The following CSMD1 variants were observed in gnomAD, a reference collection of about 807,000 sequenced individuals.
CSMD1 encodes CUB and sushi domain-containing protein 1.
CSMD1 carries 213 observed loss-of-function variants against 417.5 expected under a neutral mutation model. The observed-to-expected ratio is 0.51, with a 90% CI of 0.46 to 0.57. CSMD1 has a LOEUF of 0.57. CSMD1 is among the 20% of genes least tolerant of loss of function. The probability of loss-of-function intolerance (pLI) is 0.00; values close to 1 mark genes in which losing one functional copy is unlikely to be tolerated. For synonymous variants in CSMD1, 2,862 were observed against 1,736.8 expected (o/e 1.65, Z -16.11); for missense variants, 6,923 against 4,529.7 (o/e 1.53, Z -15.17).
At chr8:3,387,468 G>A (rs1420390507) in intron 18 of CSMD1, 26 bp downstream of exon 18, 4 of 1,565,932 alleles carry the variant, frequency 2.6e-6, no homozygotes, top group East Asian at 2.3e-5. Context: ...CCCTGCTGGT[G>A]CATTGCCTCA....
chr8:3,139,083 A>G (rs1316206358), intron 41 of CSMD1, among the ~76,000 whole-genome samples: 13 of 152,134 alleles, frequency 8.5e-5, no homozygotes, highest in Admixed American at 8.5e-4. Context: ...CTGGAGGATA[A>G]GCTGGGAAGC....
chr8:4,143,670 T>A (rs1803934833), intron 3 of CSMD1, among the ~76,000 whole-genome samples: 1 of 151,024 alleles, frequency 6.6e-6, no homozygotes, highest in African/African-American at 2.5e-5. Flanking sequence ...CTCCAGGTTC[T>A]TGGCATTTAG....
chr8:3,367,402 T>A (rs1288476779), intron 19 of CSMD1, among the ~76,000 whole-genome samples, 155 bp from the exon 20 acceptor site: 2 of 145,766 alleles, frequency 1.4e-5, no homozygotes, highest in Non-Finnish European at 3.0e-5. Flanking sequence ...TTGCAGAGAG[T>A]AATAGCCACA....
intron 39 of CSMD1, among the ~76,000 whole-genome samples, chr8:3,153,695 G>C (rs1819338272): frequency 6.6e-6 from 1 of 152,184 alleles, no homozygotes; most frequent in African/African-American, 2.4e-5. Context: ...AGCCCTGCAG[G>C]AGGGGCTGGC....
chr8:4,226,840 G>A (rs922277332), intron 3 of CSMD1, among the ~76,000 whole-genome samples: 2 of 152,320 alleles, frequency 1.3e-5, no homozygotes, highest in African/African-American at 2.4e-5. Flanking sequence ...AAATGCAAAT[G>A]CATGTAGTCT....
intron 12 of CSMD1, among the ~76,000 whole-genome samples, chr8:3,436,588 C>T (rs756511589): frequency 4.6e-5 from 7 of 152,060 alleles, no homozygotes; most frequent in Non-Finnish European, 8.8e-5. Flanking sequence ...ATAAATCTTA[C>T]GTATGTTTTA....
intron 2 of CSMD1, among the ~76,000 whole-genome samples, chr8:4,451,646 G>T (rs535141744): frequency 2.2e-4 from 34 of 152,192 alleles, no homozygotes; most frequent in Middle Eastern, 3.4e-3. Flanking sequence ...GTAATGTTAG[G>T]ATACATTCCT....
chr8:4,398,642 C>G (rs571268810), intron 3 of CSMD1, among the ~76,000 whole-genome samples: 8 of 152,090 alleles, frequency 5.3e-5, no homozygotes, highest in Non-Finnish European at 1.0e-4. Context: ...TGATCTGCCC[C>G]TCTTGGCCTC....
intron 1 of CSMD1, among the ~76,000 whole-genome samples, chr8:4,834,365 A>C (rs1046867234): frequency 1.3e-5 from 2 of 152,204 alleles, no homozygotes; most frequent in African/African-American, 4.8e-5. Flanking sequence ...CTGTAGGAAG[A>C]TATACGTTAG....
At chr8:4,488,866 G>A (rs965324285) in intron 2 of CSMD1, among the ~76,000 whole-genome samples, 6 of 152,096 alleles carry the variant, frequency 3.9e-5, no homozygotes, top group South Asian at 2.1e-4. Flanking sequence ...ATGATAAAAC[G>A]ACAGAAATCC....
chr8:3,390,155 G>C (rs1195071449), intron 17 of CSMD1, among the ~76,000 whole-genome samples: 2 of 151,930 alleles, frequency 1.3e-5, no homozygotes, highest in Non-Finnish European at 2.9e-5. Flanking sequence ...AGGAGTTTGA[G>C]ACCAGCCTGG....
chr8:4,038,063 A>G (rs2130615961), intron 3 of CSMD1, among the ~76,000 whole-genome samples: 1 of 152,280 alleles, frequency 6.6e-6, no homozygotes, highest in East Asian at 1.9e-4. Flanking sequence ...ATTAATTCAA[A>G]AAGTTTGGAA....
chr8:4,292,639 T>C (rs771223262), intron 3 of CSMD1, among the ~76,000 whole-genome samples: 6 of 152,198 alleles, frequency 3.9e-5, no homozygotes, highest in Non-Finnish European at 8.8e-5. Flanking sequence ...TGTGCCTCAG[T>C]CTTGCATCAT....
At chr8:4,739,548 T>A (rs149612099) in intron 1 of CSMD1, among the ~76,000 whole-genome samples, 39 of 152,300 alleles carry the variant, frequency 2.6e-4, no homozygotes, top group African/African-American at 8.9e-4. Flanking sequence ...AAAATCATAA[T>A]AAGCTCCAGA....
At chr8:4,017,076 A>G (rs978697366) in intron 4 of CSMD1, among the ~76,000 whole-genome samples, 1 of 152,240 alleles carries the variant, frequency 6.6e-6, no homozygotes, top group Admixed American at 6.5e-5. Context: ...GCAAGACTTC[A>G]GAATGTACTC....
At chr8:4,131,897 G>C (rs777810229) in intron 3 of CSMD1, among the ~76,000 whole-genome samples, 9 of 151,020 alleles carry the variant, frequency 6.0e-5, no homozygotes, top group African/African-American at 1.7e-4. Flanking sequence ...CATGTAGCTG[G>C]GACTACAGGT....
chr8:4,346,834 G>C (rs1224349147), intron 3 of CSMD1, among the ~76,000 whole-genome samples: 1 of 152,220 alleles, frequency 6.6e-6, no homozygotes, highest in Non-Finnish European at 1.5e-5. Context: ...AGGGGATTGA[G>C]ACTGAGGGCC....
rs1225402255 is a variant in CSMD1 at position 3,449,096 on chromosome 8, T to TTCTA, written c.1561+19612_1561+19615dup. ...TGTTGCCTGTCTTCCAATCCATGAGTTCTACACAGCACAAAGCAACATGCA... is the reference window on the plus strand; with the variant it reads ...TGTTGCCTGTCTTCCAATCCATGAGTTCTATCTACACAGCACAAAGCAACATGCA... On this transcript the variant is annotated intron_variant, in intron 12 of 69. Coordinates refer to ENST00000635120, the MANE Select transcript of CSMD1 (RefSeq NM_033225.6). Among the ~76,000 whole-genome samples, 15 of 150,868 alleles carry TTCTA rather than the reference T, an allele frequency of 9.9e-5. 1 individual carries two copies. The highest frequency in any genetic ancestry group is 3.5e-3 in the Middle Eastern group (1 of 286).
chr8:4,627,565 A>C (rs142444943), intron 2 of CSMD1, among the ~76,000 whole-genome samples: 22 of 152,238 alleles, frequency 1.4e-4, no homozygotes, highest in Admixed American at 3.9e-4. Context: ...ATAATTACTA[A>C]AGTGATTTCT....
Sources: gnomAD v4.1 joint callset for allele counts (sites outside exome capture counted in the v4.1 genomes callset) on GRCh38, gnomAD v4.1.1 for gene constraint, MANE v1.5 for transcripts, NCBI Gene and HGNC (gene_info 2026-07-23, HGNC 2026-07-21) for gene names.